Variants in FAM161B observed in about 807,000 individuals in gnomAD.
The protein encoded by FAM161B is FAM161 centrosomal protein B, also known as protein FAM161B.
FAM161B carries 46 observed loss-of-function variants against 61.5 expected under a neutral mutation model. The ratio of observed to expected loss-of-function variants is 0.75; its 90% CI spans 0.59 to 0.96. The LOEUF is 0.96. Among genes scored for constraint, FAM161B ranks in the 40% least tolerant of loss-of-function variants. The probability of loss-of-function intolerance (pLI) is 0.00; values close to 1 mark genes in which losing one functional copy is unlikely to be tolerated. For synonymous variants in FAM161B, 284 were observed against 302.7 expected, an observed-to-expected ratio of 0.94 and a Z score of 0.64; for missense variants, 774 against 800.7, an observed-to-expected ratio of 0.97 and a Z score of 0.40.
At chr14:73,942,815 G>T in intron 3 of FAM161B, 100 bp from the exon 4 acceptor site, 1 of 1,098,822 alleles carries the variant, frequency 9.1e-7, no homozygotes, top group Non-Finnish European at 1.3e-6. Flanking sequence ...AAGTGTTACT[G>T]GAGGCAAGTA....
chr14:73,934,306 G>A lies in FAM161B; in HGVS notation c.1894C>T (p.Leu632=). The change falls in exon 9 of 9, where the codon CTG becomes TTG. Residue 632 remains leucine (L), a synonymous_variant. Coordinates refer to ENST00000286544, the MANE Select transcript of FAM161B (RefSeq NM_152445.3). ...GGTGACTGATGAGACAGCTCCTCCA[G>A]TACTTTCCTGGGGCTTGCAGGCTGT... is the stretch of plus-strand genomic sequence containing the variant. The part of the protein sequence containing the change: ...LEQPASPRKV[L]EELSHQSPEN... 6.2e-7 allele frequency: 1 copy of A among 1,614,102 alleles called. No individual in the cohort carries two copies. Among genetic ancestry groups the A allele is most frequent in the African/African-American group, 1.3e-5 (1 of 75,046 alleles).
At chr14:73,926,980 T>G (rs2055842580), downstream of FAM161B, 1 of 152,778 alleles carries the variant, frequency 6.5e-6, no homozygotes, top group Admixed American at 6.5e-5. Flanking sequence ...ACTGGTAGGT[T>G]ATGTAAAGGT....
rs1456203040 is a variant in FAM161B, at chr14:73,942,564, G to A, written c.1077C>T (p.His359=). The A allele has an allele frequency of 1.2e-6, 2 of 1,614,134 alleles. No homozygotes were observed. ...CCCGAGGCTGGAATCTGAAGTTAGT[G>A]TGCAGAAACCCAAGCTTTTCCTGCT... ...RTQQEKLGFL[H]TNFRFQPRVN... The change falls in exon 4 of 9, where the codon CAC becomes CAT. Residue 359 remains histidine (H), a synonymous_variant. Transcript: ENST00000286544.
At chr14:73,922,728 A>T in the FAM161B span, 2 of 152,430 alleles carry the variant, frequency 1.3e-5, no homozygotes, top group South Asian at 4.1e-4. Flanking sequence ...TTCAGTGCCT[A>T]CTGTGTGCCT....
downstream of FAM161B, chr14:73,932,207 T>G: frequency 3.0e-6 from 1 of 337,790 alleles, no homozygotes; most frequent in Non-Finnish European, 5.7e-6. Flanking sequence ...CATGTTTTTG[T>G]TTTTTTAAAG....
At chr14:73,930,157 AC>A (rs1430421270), downstream of FAM161B, among the ~76,000 whole-genome samples, 1 of 152,192 alleles carries the variant, frequency 6.6e-6, no homozygotes, top group Non-Finnish European at 1.5e-5. Flanking sequence ...CTCATAAAGT[AC>A]CTTTGCTAAG....
At chr14:73,925,151 G>GTCA in the FAM161B span, among the ~76,000 whole-genome samples, 1 of 109,388 alleles carries the variant, frequency 9.1e-6, no homozygotes, top group African/African-American at 3.1e-5. Flanking sequence ...TTTTATTGTT[G>GTCA]TGACCCATTG....
chr14:73,946,189 G>A (rs2056064283), intron 2 of FAM161B, 97 bp downstream of exon 2: 2 of 1,293,246 alleles, frequency 1.5e-6, no homozygotes, highest in Non-Finnish European at 2.1e-6. Flanking sequence ...ACTTGCAGAA[G>A]TGCTCTTTGC....
At chr14:73,942,064 T>C (rs2056023691) in intron 4 of FAM161B, among the ~76,000 whole-genome samples, 2 of 152,156 alleles carry the variant, frequency 1.3e-5, no homozygotes. Flanking sequence ...TGGAGTACAG[T>C]GGCATCATCT....
the FAM161B span, among the ~76,000 whole-genome samples, chr14:73,923,216 T>C: frequency 6.6e-6 from 1 of 152,246 alleles, no homozygotes; most frequent in Non-Finnish European, 1.5e-5. Context: ...TATTCTCTTT[T>C]TATATTACTT....
Position 73,946,419 on chromosome 14 carries a change from A to G in FAM161B, c.241T>C (p.Cys81Arg). The G allele has an allele frequency of 6.2e-7, 1 of 1,614,138 alleles. No homozygotes were observed. Among genetic ancestry groups the G allele is most frequent in the Non-Finnish European group, 8.5e-7 (1 of 1,180,028 alleles). Residue 81 changes from cysteine to arginine, a missense_variant, in exon 2 of 9, where the codon TGT becomes CGT. Cys to Arg is a radical substitution (Grantham distance 180). Coordinates refer to ENST00000286544, the MANE Select transcript of FAM161B (RefSeq NM_152445.3). ...GACTGAAAGAGAGACTCCAACAGACACCATCTCCCTTTCTGCTTCAGTTCC... is the reference window on the plus strand; with the variant it reads ...GACTGAAAGAGAGACTCCAACAGACGCCATCTCCCTTTCTGCTTCAGTTCC... ...LQELKQKGRWCLLESLFQSDP... is the reference protein window; with the variant it reads ...LQELKQKGRWRLLESLFQSDP...
rs558412126 is a variant in FAM161B at position 73,946,327 on chromosome 14, C to G, written c.333G>C (p.Lys111Asn). The G allele has an allele frequency of 1.6e-4, 256 of 1,614,188 alleles. 1 individual carries two copies. The South Asian group carries it at 2.7e-3, about 17-fold the overall frequency. ...ACTGGACCTGCACCATCCCCCTGTC[C>G]TTGTCTTGGAAGAAACTCTCCAGGT... ...EEDLESFFQD[K>N]DRGMVQVQCP... Residue 111 changes from lysine (K) to asparagine (N), a missense_variant, in exon 2 of 9, where the codon AAG becomes AAC. By Grantham distance (94) the Lys-to-Asn change is moderately conservative. Transcript: ENST00000286544.
chr14:73,923,547 T>G, the FAM161B span: 7 of 1,601,608 alleles, frequency 4.4e-6, no homozygotes, highest in Non-Finnish European at 6.0e-6. Flanking sequence ...TGCCCTTTGT[T>G]TCTGTGACAA....
rs1047282663 is a variant in FAM161B, at chr14:73,933,908, G to T, written c.*348C>A. The stretch of plus-strand genomic sequence containing the variant: ...GTGATCTCAGCTCATTACAACCTCT[G>T]CCTCTTGGGTTCAAGTGATTCTCCT... On this transcript the variant is annotated 3_prime_UTR_variant, in exon 9 of 9. Coordinates refer to ENST00000286544, the MANE Select transcript of FAM161B (RefSeq NM_152445.3). 5.8e-5 allele frequency: 11 copies of T among 190,344 alleles called. No homozygotes were observed. Among genetic ancestry groups the T allele is most frequent in the Non-Finnish European group, 1.2e-4 (11 of 92,302 alleles). The allele number at this position is 190,344 out of a possible 1,614,324, so 11.8% of individuals were successfully genotyped here.
chr14:73,931,082 T>A (rs560957967), downstream of FAM161B, among the ~76,000 whole-genome samples: 1 of 152,286 alleles, frequency 6.6e-6, no homozygotes, highest in African/African-American at 2.4e-5. Flanking sequence ...TCAGCTCTCA[T>A]ATAGTACTTA....
intron 7 of FAM161B, among the ~76,000 whole-genome samples, chr14:73,936,350 A>G (rs1350633603): frequency 1.3e-5 from 2 of 152,226 alleles, no homozygotes; most frequent in African/African-American, 4.8e-5. Flanking sequence ...CTCCCCAGAG[A>G]TGCCAAACTG....
At chr14:73,925,127 G>T in the FAM161B span, among the ~76,000 whole-genome samples, 1 of 125,400 alleles carries the variant, frequency 8.0e-6, no homozygotes, top group Admixed American at 9.0e-5. Flanking sequence ...TAATGCTTTT[G>T]CCAGGACTTT....
intron 4 of FAM161B, among the ~76,000 whole-genome samples, chr14:73,941,390 G>A (rs895981795): frequency 1.3e-5 from 2 of 152,188 alleles, no homozygotes; most frequent in Admixed American, 1.3e-4. Context: ...CCAAAGTGCT[G>A]GGATTACAGG....
the FAM161B span, chr14:73,923,598 A>C: frequency 6.6e-7 from 1 of 1,525,418 alleles, no homozygotes; most frequent in Non-Finnish European, 8.8e-7. Flanking sequence ...GACCTGAAAA[A>C]GTCTCCAGTT....
Sources: allele counts gnomAD v4.1 joint callset (sites outside exome capture counted in the v4.1 genomes callset), GRCh38; gene constraint gnomAD v4.1.1; transcripts MANE v1.5; gene names NCBI Gene and HGNC (gene_info 2026-07-23, HGNC 2026-07-21).